The following OTUD7B variants were observed in gnomAD, a reference collection of about 807,000 sequenced individuals.
OTUD7B encodes OTU domain-containing protein 7B.
OTUD7B carries 34 observed loss-of-function variants against 82.2 expected under a neutral mutation model. The observed-to-expected ratio is 0.41, with a 90% confidence interval of 0.31 to 0.55. OTUD7B has a LOEUF of 0.55. Ranked by LOEUF, OTUD7B falls within the 20% of genes least tolerant of loss-of-function variation. OTUD7B has a pLI of 0.20. For missense variants in OTUD7B, 944 were observed against 1,062.1 expected (o/e 0.89, Z 1.55); for synonymous variants, 398 against 402.7 (o/e 0.99, Z 0.14).
At chr1:149,967,946 GA>G (rs1441190150) in intron 3 of OTUD7B, among the ~76,000 whole-genome samples, 1 of 152,072 alleles carries the variant, frequency 6.6e-6, no homozygotes, top group East Asian at 1.9e-4. Context: ...AGGGTCTTGG[GA>G]AATACCTTTT....
chr1:150,063,046 A>C, the OTUD7B span, among the ~76,000 whole-genome samples: 1 of 152,104 alleles, frequency 6.6e-6, no homozygotes, highest in African/African-American at 2.4e-5. Flanking sequence ...TCAAATCACC[A>C]AAAATTTCAC....
intron 7 of OTUD7B, among the ~76,000 whole-genome samples, chr1:149,955,230 TG>T (rs1648580740): frequency 6.6e-6 from 1 of 152,236 alleles, no homozygotes; most frequent in South Asian, 2.1e-4. Context: ...CCAGAGATTC[TG>T]GTATGTTGTG....
the OTUD7B span, among the ~76,000 whole-genome samples, chr1:150,019,221 G>C: frequency 0.11 from 16,216 of 152,038 alleles, 1,127 homozygotes; most frequent in African/African-American, 0.19. Context: ...TACCTCTGAC[G>C]TAAACTATTG....
intron 7 of OTUD7B, among the ~76,000 whole-genome samples, chr1:149,956,833 T>C (rs1648714183): frequency 6.6e-6 from 1 of 152,264 alleles, no homozygotes; most frequent in African/African-American, 2.4e-5. Context: ...AATCAGCTAC[T>C]GAAGCTTGTG....
intron 3 of OTUD7B, among the ~76,000 whole-genome samples, chr1:149,970,236 G>T (rs1296455514): frequency 2.0e-5 from 3 of 150,412 alleles, no homozygotes; most frequent in Non-Finnish European, 3.0e-5. Context: ...AAAGTTTCAA[G>T]ATTTAATTAT....
intron 1 of OTUD7B, among the ~76,000 whole-genome samples, chr1:150,006,180 C>G (rs1197891657): frequency 6.6e-6 from 1 of 152,070 alleles, no homozygotes; most frequent in East Asian, 1.9e-4. Context: ...ATTTTCGGCC[C>G]GGCACACTGG....
the OTUD7B span, among the ~76,000 whole-genome samples, chr1:150,046,535 C>T: frequency 4.7e-5 from 7 of 149,478 alleles, no homozygotes; most frequent in African/African-American, 1.7e-4. Context: ...GCAACCTCCA[C>T]CTCCCGGGTT....
the OTUD7B span, among the ~76,000 whole-genome samples, chr1:150,018,327 A>G: frequency 1.1e-4 from 17 of 152,330 alleles, no homozygotes; most frequent in African/African-American, 3.6e-4. Flanking sequence ...CCAAATAATG[A>G]AACTGGGCAG....
At chr1:149,997,221 G>T (rs1279160429) in intron 1 of OTUD7B, among the ~76,000 whole-genome samples, 2 of 152,080 alleles carry the variant, frequency 1.3e-5, no homozygotes, top group Non-Finnish European at 2.9e-5. Context: ...AAGAAAACAA[G>T]AAAAGGGGTA....
Position 149,955,712 on chromosome 1 carries a change from G to C in OTUD7B, c.845+3972C>G, listed in dbSNP as rs1648618278. On this transcript the variant is annotated intron_variant, in intron 7 of 11. Transcript: ENST00000581312. ...GTAGGTCTCTAAGGACTTGCTTTAT[G>C]AATCTCGGTGCTCCTGTATTGGGTG... Among the ~76,000 whole-genome samples, 6 of 152,052 alleles carry C rather than the reference G, an allele frequency of 3.9e-5. No individual in the cohort carries two copies. In the South Asian group the frequency reaches 1.2e-3, roughly 32 times the overall value.
At chr1:150,036,134 T>C in the OTUD7B span, among the ~76,000 whole-genome samples, 2 of 151,838 alleles carry the variant, frequency 1.3e-5, no homozygotes, top group African/African-American at 4.8e-5. Context: ...TGTATTTTTT[T>C]GTAGAGATGG....
At chr1:150,025,465 A>G in the OTUD7B span, among the ~76,000 whole-genome samples, 3 of 151,802 alleles carry the variant, frequency 2.0e-5, no homozygotes, top group African/African-American at 7.3e-5. Flanking sequence ...ACACACACAC[A>G]CACACAAATA....
the OTUD7B span, among the ~76,000 whole-genome samples, chr1:150,030,427 G>A: frequency 4.6e-5 from 7 of 152,214 alleles, no homozygotes; most frequent in African/African-American, 1.2e-4. Flanking sequence ...AACATTCCCC[G>A]TTATTGTTCA....
At position 149,971,069 on chromosome 1, in the gene OTUD7B, C is replaced by T. The variant is rs370826544; in HGVS notation, c.268G>A (p.Val90Ile). The change falls in exon 3 of 12, where the codon GTT becomes ATT. Residue 90 changes from valine (V) to isoleucine (I), a missense_variant. Around this residue, in one of 3 missense-constraint regions of OTUD7B, gnomAD observed 530 missense variants for 625.6 expected, o/e 0.85. Transcript: ENST00000581312. Reference protein sequence around the residue: ...RPILQRQDDIVQEKRLSRGIS... With the variant: ...RPILQRQDDIIQEKRLSRGIS... ...ATTCCAGTCACCCCAGTACCTTGAA[C>T]GATGTCATCCTGCCGCTGGAGGATG... The T allele has an allele frequency of 6.7e-5, 107 of 1,604,292 alleles. No homozygotes were observed. The African/African-American group carries it at 1.3e-3, about 20-fold the overall frequency.
In OTUD7B at chr1:149,967,359, T is replaced by A. The variant is rs1553776818; in HGVS notation, c.437A>T (p.Asp146Val). 1 of 1,614,060 alleles carries A rather than the reference T, an allele frequency of 6.2e-7. No individual in the cohort carries two copies. Among genetic ancestry groups the A allele is most frequent in the Non-Finnish European group, 8.5e-7 (1 of 1,179,986 alleles). ...GTCTCTCTCTATGAAGCTGCGGAAG[T>A]CTTCATTGTATACAGTGAGATCTGG... Reference protein sequence around the residue: ...QLPDLTVYNEDFRSFIERDLI... With the variant: ...QLPDLTVYNEVFRSFIERDLI... The change falls in exon 4 of 12, where the codon GAC (aspartate) becomes GTC (valine). Residue 146 changes from aspartate (D) to valine (V), a missense_variant. Asp to Val is a radical substitution (Grantham distance 152). Coordinates refer to ENST00000581312, the MANE Select transcript of OTUD7B (RefSeq NM_020205.4).
chr1:149,993,775 A>G (rs895768087), intron 1 of OTUD7B, among the ~76,000 whole-genome samples: 12 of 152,222 alleles, frequency 7.9e-5, no homozygotes, highest in African/African-American at 2.9e-4. Flanking sequence ...CTATTATATA[A>G]TATCTGTATT....
At chr1:149,965,637 C>T (rs1362113115) in intron 5 of OTUD7B, 140 bp downstream of exon 5, 1 of 638,438 alleles carries the variant, frequency 1.6e-6, no homozygotes, top group South Asian at 1.8e-5. Context: ...CACACAGACA[C>T]ACACGTAAGC....
the OTUD7B span, among the ~76,000 whole-genome samples, chr1:150,065,849 G>GTTTTTTTTTTTT: frequency 4.0e-5 from 6 of 151,522 alleles, no homozygotes; most frequent in African/African-American, 1.2e-4. Context: ...TGTTCAAAAT[G>GTTTTTTTTTTTT]TTTATGTTCC....
At position 149,977,528 on chromosome 1, in the gene OTUD7B, T is replaced by C. The variant is rs1553778875; in HGVS notation, c.-18A>G. On this transcript the variant is annotated 5_prime_UTR_variant, in exon 2 of 12. The change abolishes the stop of an existing upstream ORF in the 5' untranslated region. Coordinates refer to ENST00000581312, the MANE Select transcript of OTUD7B (RefSeq NM_020205.4). ...AGGGTCATGTGATCCTCAAGTACTT[T>C]CAGCCAGCTGGATGTAGGTAGAACA... 4.4e-6 allele frequency: 7 copies of C among 1,601,328 alleles called. No individual in the cohort carries two copies. Among genetic ancestry groups the C allele is most frequent in the Non-Finnish European group, 6.0e-6 (7 of 1,168,394 alleles).
Sources: gnomAD v4.1 joint callset for allele counts (sites outside exome capture counted in the v4.1 genomes callset) on GRCh38, gnomAD v4.1.1 for gene constraint, gnomAD v4.1.1 regional missense constraint, MANE v1.5 for transcripts, NCBI Gene and HGNC (gene_info 2026-07-23, HGNC 2026-07-21) for gene names.